The following HLA-DPB1 variants were observed in gnomAD, a reference collection of about 807,000 sequenced individuals.
HLA-DPB1 encodes the protein major histocompatibility complex, class II, DP beta 1.
In HLA-DPB1, 30 loss-of-function variants were observed where a neutral mutation model predicts 29.4. That is an observed-to-expected ratio of 1.02 (90% CI 0.76 to 1.38). The LOEUF is 1.38. Ranked by LOEUF, HLA-DPB1 falls within the 40% of genes most tolerant of loss-of-function variation. HLA-DPB1 has a pLI of 0.00. For synonymous variants in HLA-DPB1, 114 were observed against 134.0 expected, an observed-to-expected ratio of 0.85 and a Z score of 1.03; for missense variants, 261 against 327.5, an observed-to-expected ratio of 0.80 and a Z score of 1.57.
In HLA-DPB1 at chr6:33,080,304, C is replaced by T. The variant is rs957317204; in HGVS notation, c.101-368C>T. 2 of 429,644 alleles carry T rather than the reference C, an allele frequency of 4.7e-6. No individual in the cohort carries two copies. Among genetic ancestry groups the T allele is most frequent in the Admixed American group, 5.9e-5 (2 of 34,112 alleles). The allele number at this position is 429,644 out of a possible 1,614,324, so 26.6% of individuals were successfully genotyped here. A position where few individuals can be genotyped will look rare whatever the true frequency, so the allele number is the denominator to read the frequency against. Reference sequence around the variant, plus strand: ...GTTAAGTAGGGGGAGCAGCTCCGCCCTCCACGTCCCCAGCTCCTCCCGCCC... The same window carrying T: ...GTTAAGTAGGGGGAGCAGCTCCGCCTTCCACGTCCCCAGCTCCTCCCGCCC... On this transcript the variant is annotated intron_variant, in intron 1 of 5. Coordinates refer to ENST00000418931, the MANE Select transcript of HLA-DPB1 (RefSeq NM_002121.6). This position sits in a 1 kb window ranked among gnomAD's most constrained non-coding sequence, Gnocchi z 4.3.
At chr6:33,086,270 G>C in intron 5 of HLA-DPB1, 28 bp downstream of exon 5, 1 of 1,533,864 alleles carries the variant, frequency 6.5e-7, no homozygotes, top group Non-Finnish European at 9.0e-7. Context: ...ATTTCCTTGT[G>C]GGGTGGGTTG....
chr6:33,078,746 A>G (rs558336509), intron 1 of HLA-DPB1, among the ~76,000 whole-genome samples: 1 of 152,232 alleles, frequency 6.6e-6, no homozygotes, highest in Admixed American at 6.5e-5. Context: ...GACTGGGTAA[A>G]TTAAAAAAAT....
At chr6:33,078,399 T>A (rs1483323813) in intron 1 of HLA-DPB1, among the ~76,000 whole-genome samples, 1 of 151,804 alleles carries the variant, frequency 6.6e-6, no homozygotes, top group Non-Finnish European at 1.5e-5. Context: ...TCCACACACA[T>A]CCCCAACCTC....
In HLA-DPB1 at chr6:33,084,935, C is replaced by T. The variant is rs200678831; in HGVS notation, c.365-15C>T. 2,918 of 1,495,538 alleles carry T rather than the reference C, an allele frequency of 2.0e-3. 422 individuals carry two copies. Among genetic ancestry groups the T allele is most frequent in the Non-Finnish European group, 1.9e-3 (2,101 of 1,088,664 alleles). The allele number at this position is 1,495,538 out of a possible 1,614,324, so 92.6% of individuals were successfully genotyped here. Reference sequence around the variant, plus strand: ...TCTCAAATTCTATTTCATTATTTTTCTTCCACGCTCCTAGTCCAGCCTAGG... The same window carrying T: ...TCTCAAATTCTATTTCATTATTTTTTTTCCACGCTCCTAGTCCAGCCTAGG... On this transcript the variant is annotated splice_polypyrimidine_tract_variant and intron_variant, in intron 2 of 5. Transcript: ENST00000418931.
At chr6:33,078,370 C>G (rs921590704) in intron 1 of HLA-DPB1, among the ~76,000 whole-genome samples, 4 of 152,132 alleles carry the variant, frequency 2.6e-5, no homozygotes, top group African/African-American at 9.7e-5. Flanking sequence ...TTCCACAATT[C>G]CCTGCATGCT....
At position 33,089,144 on chromosome 6, in the gene HLA-DPB1, G is replaced by A. The variant is rs890318749; in HGVS notation, c.*2610G>A. ...TCGGGTGTGAAGATGCTCTTGAAAG[G>A]GGTTTTAATAACCACTTGCTACCAG... On this transcript the variant is annotated 3_prime_UTR_variant, in exon 6 of 6. Coordinates refer to ENST00000418931, the MANE Select transcript of HLA-DPB1 (RefSeq NM_002121.6). Among the ~76,000 whole-genome samples, 1 of 152,112 alleles carries A rather than the reference G, an allele frequency of 6.6e-6. No individual in the cohort carries two copies. The highest frequency in any genetic ancestry group is 1.5e-5 in the Non-Finnish European group (1 of 68,024).
chr6:33,082,616 A>T (rs1762923085), intron 2 of HLA-DPB1, among the ~76,000 whole-genome samples: 1 of 152,158 alleles, frequency 6.6e-6, no homozygotes, highest in African/African-American at 2.4e-5. Flanking sequence ...AGAGGCAGGG[A>T]GATGAGGTAG....
chr6:33,080,439 G>T lies in HLA-DPB1; in HGVS notation c.101-233G>T, dbSNP rs1417660386. On this transcript the variant is annotated intron_variant, in intron 1 of 5. Coordinates refer to ENST00000418931, the MANE Select transcript of HLA-DPB1 (RefSeq NM_002121.6). The surrounding 1 kb of genome is among the most constrained non-coding windows in gnomAD (Gnocchi z 4.3). ...CGCCCCTCCCTAGTGATCACTCAGT[G>T]CCCCTGAGCTCATTCTTTTCAGTAA... 1 of 708,752 alleles carries T rather than the reference G, an allele frequency of 1.4e-6. No homozygotes were observed. The highest frequency in any genetic ancestry group is 2.0e-5 in the Admixed American group (1 of 49,318). The allele number at this position is 708,752 out of a possible 1,614,324, so 43.9% of individuals were successfully genotyped here. A position where few individuals can be genotyped will look rare whatever the true frequency, so the allele number is the denominator to read the frequency against.
In HLA-DPB1 at chr6:33,087,643, C is replaced by G. The variant is rs1763174212; in HGVS notation, c.*1109C>G. 6.6e-6 allele frequency among the ~76,000 whole-genome samples: 1 copy of G among 152,154 alleles called. No homozygotes were observed. The highest frequency in any genetic ancestry group is 2.4e-5 in the African/African-American group (1 of 41,414). ...TCTGGGCCTTGTGTGTCCCTGGGCACCTGTCCCTGGTCAATTCCCGAAAGC... is the reference window on the plus strand; with the variant it reads ...TCTGGGCCTTGTGTGTCCCTGGGCAGCTGTCCCTGGTCAATTCCCGAAAGC... On this transcript the variant is annotated 3_prime_UTR_variant, in exon 6 of 6. Transcript: ENST00000418931.
intron 2 of HLA-DPB1, chr6:33,082,259 T>C (rs9277360): frequency 0.14 from 21,146 of 152,122 alleles, 1,589 homozygotes; most frequent in Non-Finnish European, 0.17. Flanking sequence ...ATCAGTGACA[T>C]GGCAGCATTT....
rs375342014 is a variant in HLA-DPB1, at chr6:33,087,450, C to A, written c.*916C>A. Among the ~76,000 whole-genome samples the A allele has an allele frequency of 6.6e-6, 1 of 150,914 alleles. No homozygotes were observed. The highest frequency in any genetic ancestry group is 1.5e-5 in the Non-Finnish European group (1 of 67,966). ...CAATCCAACATTGTTATGTGTTTTG[C>A]GTCTCATATTGACACCTTTTGGTCA... On this transcript the variant is annotated 3_prime_UTR_variant, in exon 6 of 6. Coordinates refer to ENST00000418931, the MANE Select transcript of HLA-DPB1 (RefSeq NM_002121.6).
intron 2 of HLA-DPB1, 42 bp from the exon 3 acceptor site, chr6:33,084,908 A>G (rs1763027461): frequency 8.0e-7 from 1 of 1,248,132 alleles, no homozygotes; most frequent in Non-Finnish European, 1.1e-6. Context: ...AAAGAAGGAC[A>G]ATCTCAAATT....
chr6:33,084,400 A>G (rs1763002949), intron 2 of HLA-DPB1, among the ~76,000 whole-genome samples: 2 of 137,872 alleles, frequency 1.5e-5, no homozygotes, highest in Admixed American at 7.1e-5. Flanking sequence ...GTCTATTTCT[A>G]TCTTTTCAAT....
At position 33,081,067 on chromosome 6, in the gene HLA-DPB1, G is replaced by T. The variant is rs550324771; in HGVS notation, c.364+132G>T. 0.011 allele frequency: 11,535 copies of T among 1,075,684 alleles called. 188 individuals carry two copies. The highest frequency in any genetic ancestry group is 0.064 in the African/African-American group (3,978 of 61,754). The allele number at this position is 1,075,684 out of a possible 1,614,324, so 66.6% of individuals were successfully genotyped here. On this transcript the variant is annotated intron_variant, in intron 2 of 5. Coordinates refer to ENST00000418931, the MANE Select transcript of HLA-DPB1 (RefSeq NM_002121.6). ...GGGGACTTTGGGTTGGGGATTCATG[G>T]GGGGAGCCCATCTGGAGCTTGTCAG...
At position 33,087,625 on chromosome 6, in the gene HLA-DPB1, C is replaced by A. The variant is rs1763172249; in HGVS notation, c.*1091C>A. Among the ~76,000 whole-genome samples, 1 of 152,200 alleles carries A rather than the reference C, an allele frequency of 6.6e-6. No homozygotes were observed. Among genetic ancestry groups the A allele is most frequent in the South Asian group, 2.1e-4 (1 of 4,828 alleles). On this transcript the variant is annotated 3_prime_UTR_variant, in exon 6 of 6. Coordinates refer to ENST00000418931, the MANE Select transcript of HLA-DPB1 (RefSeq NM_002121.6). ...GGCTTCTTACAAGCATCTTCTGGGC[C>A]TTGTGTGTCCCTGGGCACCTGTCCC...
chr6:33,080,951 G>C lies in HLA-DPB1; in HGVS notation c.364+16G>C, dbSNP rs1762834243. On this transcript the variant is annotated intron_variant, in intron 2 of 5. Transcript: ENST00000418931. This position sits in a 1 kb window ranked among gnomAD's most constrained non-coding sequence, Gnocchi z 4.3. ...CAGCGCCGAGGTGAGTGAGGGCTTT[G>C]GGCCGGCGGTCCCAGGGCAGCCCCG... 1 of 1,565,344 alleles carries C rather than the reference G, an allele frequency of 6.4e-7. No homozygotes were observed. The highest frequency in any genetic ancestry group is 8.6e-7 in the Non-Finnish European group (1 of 1,157,874).
rs1763092868 is a variant in HLA-DPB1, at chr6:33,086,212, A to G, written c.758-7A>G. ...CTGATTATATAACCTTTCGTCTTTC[A>G]TTTCAGTTCAACGAGGATCTGCATA... On this transcript the variant is annotated splice_region_variant and splice_polypyrimidine_tract_variant and intron_variant, in intron 4 of 5. Coordinates refer to ENST00000418931, the MANE Select transcript of HLA-DPB1 (RefSeq NM_002121.6). 6.3e-7 allele frequency: 1 copy of G among 1,577,864 alleles called. No individual in the cohort carries two copies. The highest frequency in any genetic ancestry group is 1.4e-5 in the African/African-American group (1 of 72,696).
chr6:33,082,663 GGC>G (rs1562153261), intron 2 of HLA-DPB1, among the ~76,000 whole-genome samples: 3 of 152,144 alleles, frequency 2.0e-5, no homozygotes, highest in African/African-American at 7.2e-5. Context: ...TTGCAATCAA[GGC>G]ATGAGTTAGA....
chr6:33,076,527 G>T (rs1006968274), intron 1 of HLA-DPB1, among the ~76,000 whole-genome samples: 3 of 152,198 alleles, frequency 2.0e-5, no homozygotes, highest in African/African-American at 7.2e-5. Flanking sequence ...CCCTAAGCTG[G>T]AGTGTCCAGG....
Sources: gnomAD v4.1 joint callset for allele counts (sites outside exome capture counted in the v4.1 genomes callset) on GRCh38, gnomAD v4.1.1 for gene constraint, Gnocchi (gnomAD v3.1) non-coding constraint, MANE v1.5 for transcripts, NCBI Gene and HGNC (gene_info 2026-07-23, HGNC 2026-07-21) for gene names.